Variants in UQCC1 observed in about 807,000 individuals in gnomAD.
UQCC1 encodes bFGF-repressed Zic-binding protein.
Under a neutral mutation model 48.0 loss-of-function variants are expected in UQCC1, and 38 were observed. The ratio of observed to expected loss-of-function variants is 0.79; its 90% CI spans 0.61 to 1.04. UQCC1 has a LOEUF of 1.04. Ranked by LOEUF, UQCC1 falls within the 50% of genes least tolerant of loss-of-function variation. The probability of loss-of-function intolerance (pLI) is 0.00; values close to 1 mark genes in which losing one functional copy is unlikely to be tolerated. For missense variants in UQCC1, 368 were observed against 381.8 expected, an observed-to-expected ratio of 0.96 and a Z score of 0.30; for synonymous variants, 111 against 129.2, an observed-to-expected ratio of 0.86 and a Z score of 0.95.
At chr20:35,304,548 A>G (rs543568733) in intron 9 of UQCC1, 1 of 183,058 alleles carries the variant, frequency 5.5e-6, no homozygotes, top group South Asian at 1.2e-4. Flanking sequence ...TTGTCTTGAG[A>G]GAGGGGATAG....
chr20:35,303,583 G>T lies in UQCC1; in HGVS notation c.*352C>A. 1 of 235,438 alleles carries T rather than the reference G, an allele frequency of 4.2e-6. No individual in the cohort carries two copies. Among genetic ancestry groups the T allele is most frequent in the South Asian group, 7.9e-5 (1 of 12,630 alleles). The allele number at this position is 235,438 out of a possible 1,614,324, so 14.6% of individuals were successfully genotyped here. A position where few individuals can be genotyped will look rare whatever the true frequency, so the allele number is the denominator to read the frequency against. On this transcript the variant is annotated 3_prime_UTR_variant, in exon 10 of 10. Transcript: ENST00000374385. Reference sequence around the variant, plus strand: ...TCCTAGGCCACAGCAGGCCCTGGGGGGTTTCCCTTTTGAACCTACACCATC... The same window carrying T: ...TCCTAGGCCACAGCAGGCCCTGGGGTGTTTCCCTTTTGAACCTACACCATC...
chr20:35,355,115 C>T (rs2061532082), intron 6 of UQCC1, among the ~76,000 whole-genome samples: 1 of 152,168 alleles, frequency 6.6e-6, no homozygotes, highest in African/African-American at 2.4e-5. Flanking sequence ...AGAAAACCCA[C>T]CTAGACAGGG....
intron 7 of UQCC1, among the ~76,000 whole-genome samples, chr20:35,335,759 C>T (rs1326881815): frequency 6.6e-6 from 1 of 152,138 alleles, no homozygotes; most frequent in African/African-American, 2.4e-5. Flanking sequence ...GTACATAATG[C>T]TGCAAATTTA....
intron 5 of UQCC1, among the ~76,000 whole-genome samples, chr20:35,371,699 G>A (rs1291052413): frequency 0.028 from 2,516 of 90,798 alleles, no homozygotes; most frequent in African/African-American, 0.034. Context: ...GGCACTTAAA[G>A]AAAAAAAAAA....
At chr20:35,321,269 TGTGTGTGTGTGTGTGCGCGCGC>T (rs1372864501) in intron 7 of UQCC1, among the ~76,000 whole-genome samples, 8 of 150,382 alleles carry the variant, frequency 5.3e-5, no homozygotes, top group African/African-American at 2.0e-4. Flanking sequence ...TGTGTGTGTG[TGTGTGTGTGTGTGTGCGCGCGC>T]GCGCGCGCAC....
intron 7 of UQCC1, among the ~76,000 whole-genome samples, chr20:35,318,647 T>C (rs2061089420): frequency 6.6e-6 from 1 of 152,218 alleles, no homozygotes; most frequent in Admixed American, 6.5e-5. Flanking sequence ...GAAATGCTTT[T>C]CAGATATCAT....
chr20:35,386,359 A>G (rs144864703), intron 2 of UQCC1: 10 of 454,822 alleles, frequency 2.2e-5, no homozygotes, highest in African/African-American at 2.0e-4. Flanking sequence ...AATGGAACAC[A>G]TGGAATGAAA....
In UQCC1 at chr20:35,390,627, A is replaced by C. The variant is rs578101145; in HGVS notation, c.129+3465T>G. 1.3e-4 allele frequency among the ~76,000 whole-genome samples: 20 copies of C among 152,254 alleles called. No individual in the cohort carries two copies. The East Asian group carries it at 3.5e-3, about 26-fold the overall frequency. ...TAATGTTAACATATCATTAAAAAAA[A>C]CCACCAATGACTGCTAAAATTAGTA... On this transcript the variant is annotated intron_variant, in intron 2 of 9. Coordinates refer to ENST00000374385, the MANE Select transcript of UQCC1 (RefSeq NM_018244.5).
At chr20:35,382,613 C>T (rs949142149) in intron 3 of UQCC1, among the ~76,000 whole-genome samples, 6 of 148,670 alleles carry the variant, frequency 4.0e-5, no homozygotes, top group East Asian at 2.0e-4. Flanking sequence ...CCCGGGTTCC[C>T]GCCATTCTCC....
intron 7 of UQCC1, among the ~76,000 whole-genome samples, chr20:35,338,675 G>A (rs114028675): frequency 0.014 from 2,082 of 149,902 alleles, 44 homozygotes; most frequent in African/African-American, 0.047. Flanking sequence ...CTGAAACCCC[G>A]TCTCTACTAA....
intron 2 of UQCC1, among the ~76,000 whole-genome samples, chr20:35,391,820 G>C (rs2062018095): frequency 6.6e-6 from 1 of 152,060 alleles, no homozygotes; most frequent in East Asian, 1.9e-4. Flanking sequence ...CCATGGTTAT[G>C]TAAGAGGTTA....
In UQCC1 at chr20:35,303,924, G is replaced by A; in HGVS notation, c.*11C>T. On this transcript the variant is annotated 3_prime_UTR_variant, in exon 10 of 10. Transcript: ENST00000374385. ...AAGCCAGCTGGCGGGCCGTGCGGAG[G>A]GCCCAGCCCATCAAAGTCCCTCGTC... 2 of 1,614,154 alleles carry A rather than the reference G, an allele frequency of 1.2e-6. No individual in the cohort carries two copies. The highest frequency in any genetic ancestry group is 1.7e-6 in the Non-Finnish European group (2 of 1,179,994).
At chr20:35,337,492 TA>T (rs1308266765) in intron 7 of UQCC1, among the ~76,000 whole-genome samples, 4 of 152,094 alleles carry the variant, frequency 2.6e-5, no homozygotes, top group Non-Finnish European at 5.9e-5. Context: ...TGGCCTGAGC[TA>T]GCATCCCTAA....
chr20:35,392,541 A>T (rs2062025908), intron 2 of UQCC1, among the ~76,000 whole-genome samples: 1 of 152,234 alleles, frequency 6.6e-6, no homozygotes, highest in Non-Finnish European at 1.5e-5. Flanking sequence ...ATCTACACAC[A>T]TACAAATAAC....
At chr20:35,356,474 C>T (rs1040222582) in intron 6 of UQCC1, among the ~76,000 whole-genome samples, 2 of 152,084 alleles carry the variant, frequency 1.3e-5, no homozygotes, top group African/African-American at 2.4e-5. Flanking sequence ...ATAGCAAAAA[C>T]GGACAAGTGC....
At chr20:35,338,561 T>C (rs1033911477) in intron 7 of UQCC1, among the ~76,000 whole-genome samples, 2 of 151,608 alleles carry the variant, frequency 1.3e-5, no homozygotes, top group African/African-American at 4.8e-5. Context: ...TAGAAATCTT[T>C]TGGGGCCGGG....
At chr20:35,343,538 G>T (rs1216525661) in intron 7 of UQCC1, among the ~76,000 whole-genome samples, 1 of 152,170 alleles carries the variant, frequency 6.6e-6, no homozygotes, top group African/African-American at 2.4e-5. Flanking sequence ...GCCTATATAA[G>T]GCATGTCTAT....
chr20:35,318,020 T>C (rs557433977), intron 7 of UQCC1, among the ~76,000 whole-genome samples: 1 of 152,334 alleles, frequency 6.6e-6, no homozygotes, highest in East Asian at 1.9e-4. Flanking sequence ...CTGATACCCA[T>C]ACTTGGAGGA....
chr20:35,315,157 T>C (rs903817394), intron 7 of UQCC1: 1 of 161,954 alleles, frequency 6.2e-6, no homozygotes, highest in Non-Finnish European at 1.4e-5. Context: ...TGCTGAGTGA[T>C]AAATGGGTTT....
Sources: allele counts gnomAD v4.1 joint callset (sites outside exome capture counted in the v4.1 genomes callset), GRCh38; gene constraint gnomAD v4.1.1; transcripts MANE v1.5; gene names NCBI Gene and HGNC (gene_info 2026-07-23, HGNC 2026-07-21).